Variants in MAGI3 observed in about 807,000 individuals in gnomAD.
MAGI3 encodes membrane associated guanylate kinase, WW and PDZ domain containing 3.
Under a neutral mutation model 121.8 loss-of-function variants are expected in MAGI3, and 43 were observed. That is an observed-to-expected ratio of 0.35 (90% CI 0.28 to 0.46). The LOEUF is 0.46. Among genes scored for constraint, MAGI3 ranks in the 20% least tolerant of loss-of-function variants. MAGI3 has a pLI of 1.00. For synonymous variants in MAGI3, 553 were observed against 639.3 expected (o/e 0.86, Z 2.04); for missense variants, 1,547 against 1,797.3 (o/e 0.86, Z 2.52).
intron 6 of MAGI3, among the ~76,000 whole-genome samples, chr1:113,600,171 G>T (rs749690290): frequency 3.9e-5 from 6 of 152,192 alleles, no homozygotes; most frequent in African/African-American, 1.2e-4. Context: ...CAAGACAGGG[G>T]TGCCCTCTCT....
chr1:113,550,374 C>G (rs1295608521), intron 2 of MAGI3, among the ~76,000 whole-genome samples: 3 of 151,576 alleles, frequency 2.0e-5, no homozygotes, highest in African/African-American at 7.3e-5. Context: ...CGAGATAGCG[C>G]CACTGCAGTC....
intron 16 of MAGI3, among the ~76,000 whole-genome samples, chr1:113,662,843 A>G (rs994318807): frequency 2.6e-5 from 4 of 152,142 alleles, no homozygotes; most frequent in Admixed American, 1.3e-4. Context: ...CTAAGATCCA[A>G]TCCAGTATTC....
At chr1:113,497,165 G>C (rs982584438) in intron 1 of MAGI3, among the ~76,000 whole-genome samples, 5 of 152,088 alleles carry the variant, frequency 3.3e-5, no homozygotes, top group South Asian at 2.1e-4. Context: ...GCTGAGGTGC[G>C]TGGATCACTT....
chr1:113,418,050 G>C (rs1386935779), intron 1 of MAGI3, among the ~76,000 whole-genome samples: 1 of 151,852 alleles, frequency 6.6e-6, no homozygotes, highest in Non-Finnish European at 1.5e-5. Context: ...TTCGACCTAA[G>C]ACCTGGGGTC....
At chr1:113,579,853 G>C (rs1171531819) in intron 2 of MAGI3, among the ~76,000 whole-genome samples, 1 of 151,994 alleles carries the variant, frequency 6.6e-6, no homozygotes, top group East Asian at 1.9e-4. Context: ...GTTTGAGAAG[G>C]AAAGTGTTCT....
At position 113,422,566 on chromosome 1, in the gene MAGI3, C is replaced by T. The variant is rs569919700; in HGVS notation, c.316+31217C>T. On this transcript the variant is annotated intron_variant, in intron 1 of 20. Transcript: ENST00000307546. The surrounding 1 kb of genome is among the most constrained non-coding windows in gnomAD (Gnocchi z 4.3). ...GCACAGACAGGCATGCCAGCTGCTG[C>T]GGGGCAGGGTGGCGGGGCAGGCAGC... Among the ~76,000 whole-genome samples the T allele has an allele frequency of 6.8e-4, 103 of 152,200 alleles. No individual in the cohort carries two copies. Among genetic ancestry groups the T allele is most frequent in the Non-Finnish European group, 1.2e-4 (8 of 68,028 alleles).
At chr1:113,551,550 T>G (rs1659789359) in intron 2 of MAGI3, among the ~76,000 whole-genome samples, 1 of 152,246 alleles carries the variant, frequency 6.6e-6, no homozygotes, top group Non-Finnish European at 1.5e-5. Flanking sequence ...ACCTTGTAGC[T>G]GCAGATTGTA....
chr1:113,427,779 T>C (rs1424408989), intron 1 of MAGI3, among the ~76,000 whole-genome samples: 2 of 152,172 alleles, frequency 1.3e-5, no homozygotes, highest in Admixed American at 1.3e-4. Flanking sequence ...ATTTTATTAA[T>C]TTTAATTTGA....
At position 113,494,354 on chromosome 1, in the gene MAGI3, G is replaced by A. The variant is rs141260206; in HGVS notation, c.317-55161G>A. 3.1e-3 allele frequency among the ~76,000 whole-genome samples: 476 copies of A among 152,174 alleles called. 1 individual carries two copies. Among genetic ancestry groups the A allele is most frequent in the African/African-American group, 0.011 (451 of 41,506 alleles). On this transcript the variant is annotated intron_variant, in intron 1 of 20. Coordinates refer to ENST00000307546, the MANE Select transcript of MAGI3 (RefSeq NM_001142782.2). Reference sequence around the variant, plus strand: ...GGAACAACACACGCTGGGGACTATCGGAGGATGAAGGGTGGGAAGAGGGAG... The same window carrying A: ...GGAACAACACACGCTGGGGACTATCAGAGGATGAAGGGTGGGAAGAGGGAG...
At chr1:113,460,288 A>G (rs1431971391) in intron 1 of MAGI3, among the ~76,000 whole-genome samples, 1 of 152,228 alleles carries the variant, frequency 6.6e-6, no homozygotes, top group Non-Finnish European at 1.5e-5. Context: ...AATAAGAGCC[A>G]TCTATGACAA....
chr1:113,583,533 A>G (rs1454830450), intron 3 of MAGI3, among the ~76,000 whole-genome samples: 1 of 152,150 alleles, frequency 6.6e-6, no homozygotes, highest in Non-Finnish European at 1.5e-5. Flanking sequence ...TAGTAGTACT[A>G]CTACCTTACT....
chr1:113,511,002 G>A (rs1570777457), intron 1 of MAGI3, among the ~76,000 whole-genome samples: 3 of 152,274 alleles, frequency 2.0e-5, no homozygotes, highest in Non-Finnish European at 4.4e-5. Flanking sequence ...CACTAGACTA[G>A]GGACCCTTTA....
chr1:113,594,373 A>C, intron 5 of MAGI3, 108 bp from the exon 6 acceptor site: 1 of 756,922 alleles, frequency 1.3e-6, no homozygotes, highest in South Asian at 2.0e-5. Flanking sequence ...AGCCTGTTGG[A>C]GATTAATGTT....
chr1:113,400,123 G>A (rs1162647859), intron 1 of MAGI3, among the ~76,000 whole-genome samples: 1 of 152,068 alleles, frequency 6.6e-6, no homozygotes, highest in Non-Finnish European at 1.5e-5. Context: ...GGCAGATATT[G>A]CAGGATAAAA....
chr1:113,666,379 T>C (rs557172446), intron 16 of MAGI3, among the ~76,000 whole-genome samples: 1 of 152,362 alleles, frequency 6.6e-6, no homozygotes, highest in African/African-American at 2.4e-5. Flanking sequence ...TCTAAATCCT[T>C]TGTGGTCATT....
intron 3 of MAGI3, among the ~76,000 whole-genome samples, chr1:113,581,958 T>C (rs992784556): frequency 2.6e-5 from 4 of 152,096 alleles, no homozygotes; most frequent in Non-Finnish European, 4.4e-5. Flanking sequence ...TGTTTTTTTT[T>C]AAGAAGCCCT....
chr1:113,581,868 T>C (rs1335721733), intron 3 of MAGI3, among the ~76,000 whole-genome samples: 3 of 152,164 alleles, frequency 2.0e-5, no homozygotes, highest in African/African-American at 7.2e-5. Context: ...ACCTACTATG[T>C]GCCAAGTACT....
intron 1 of MAGI3, among the ~76,000 whole-genome samples, chr1:113,428,091 G>A (rs772307200): frequency 4.0e-5 from 6 of 151,704 alleles, no homozygotes; most frequent in Non-Finnish European, 8.8e-5. Context: ...CCTCACTCTG[G>A]CTTGCCTTTT....
At chr1:113,535,544 A>T (rs978614290) in intron 1 of MAGI3, among the ~76,000 whole-genome samples, 2 of 152,166 alleles carry the variant, frequency 1.3e-5, no homozygotes, top group Non-Finnish European at 2.9e-5. Flanking sequence ...TGTACTCATC[A>T]GTTCCCTATA....
Sources: allele counts gnomAD v4.1 joint callset (sites outside exome capture counted in the v4.1 genomes callset), GRCh38; gene constraint gnomAD v4.1.1; non-coding constraint Gnocchi (gnomAD v3.1); transcripts MANE v1.5; gene names NCBI Gene and HGNC (gene_info 2026-07-23, HGNC 2026-07-21).